DLGAP2: variants seen among roughly 807,000 people sequenced by gnomAD.
The protein encoded by DLGAP2 is DLG associated protein 2.
A neutral mutation model predicts 100.3 loss-of-function variants in DLGAP2; 26 were observed. The observed-to-expected ratio is 0.26, with a 90% confidence interval of 0.19 to 0.36. The LOEUF is 0.36. DLGAP2 is among the 10% of genes least tolerant of loss of function. The probability of loss-of-function intolerance (pLI) is 1.00; values close to 1 mark genes in which losing one functional copy is unlikely to be tolerated. For synonymous variants in DLGAP2, 886 were observed against 630.1 expected, an observed-to-expected ratio of 1.41 and a Z score of -6.08; for missense variants, 1,858 against 1,453.2, an observed-to-expected ratio of 1.28 and a Z score of -4.53.
In DLGAP2 at chr8:1,118,007, G is replaced by C. The variant is rs567965728; in HGVS notation, c.74-140844G>C. Among the ~76,000 whole-genome samples the C allele has an allele frequency of 5.4e-4, 82 of 152,220 alleles. 1 individual carries two copies. The South Asian group carries it at 9.7e-3, about 18-fold the overall frequency. The stretch of plus-strand genomic sequence containing the variant: ...TCCAATGAAATTATAAAGCAAATTC[G>C]TTAATATTGATATGCTTTCAAAAGT... On this transcript the variant is annotated intron_variant, in intron 2 of 14. Coordinates refer to ENST00000637795, the MANE Select transcript of DLGAP2 (RefSeq NM_001346810.2).
chr8:1,460,615 A>C (rs1798446847), intron 3 of DLGAP2, among the ~76,000 whole-genome samples: 1 of 152,172 alleles, frequency 6.6e-6, no homozygotes, highest in Non-Finnish European at 1.5e-5. Flanking sequence ...GAATTGTAAA[A>C]TTTGATTCTT....
intron 2 of DLGAP2, among the ~76,000 whole-genome samples, chr8:1,081,534 T>C (rs1563181603): frequency 6.6e-6 from 1 of 152,124 alleles, no homozygotes. Flanking sequence ...GTACTTGCAG[T>C]AGAGACAGGT....
intron 3 of DLGAP2, among the ~76,000 whole-genome samples, chr8:1,307,519 C>G (rs892024121): frequency 9.9e-5 from 15 of 152,232 alleles, no homozygotes; most frequent in Admixed American, 3.3e-4. Flanking sequence ...CACTTCTGGC[C>G]ATACACCCAA....
chr8:1,503,776 G>A (rs1584961262), intron 4 of DLGAP2, among the ~76,000 whole-genome samples: 1 of 152,110 alleles, frequency 6.6e-6, no homozygotes, highest in Non-Finnish European at 1.5e-5. Flanking sequence ...GAATGAGAAG[G>A]GTCAGATGTT....
intron 2 of DLGAP2, among the ~76,000 whole-genome samples, chr8:973,954 G>A (rs562226960): frequency 7.9e-4 from 120 of 151,566 alleles, no homozygotes; most frequent in South Asian, 1.7e-3. Flanking sequence ...AGCTGCGCGC[G>A]CAGACCGGGC....
intron 1 of DLGAP2, among the ~76,000 whole-genome samples, chr8:765,037 T>C (rs1821176609): frequency 6.6e-6 from 1 of 152,220 alleles, no homozygotes; most frequent in African/African-American, 2.4e-5. Context: ...TTGAAAAGTT[T>C]GAATTGGCAT....
At chr8:1,058,318 C>T (rs972867822) in intron 2 of DLGAP2, among the ~76,000 whole-genome samples, 1 of 152,170 alleles carries the variant, frequency 6.6e-6, no homozygotes, top group East Asian at 1.9e-4. Flanking sequence ...AGAATAAGCC[C>T]GAATTTCTGT....
Position 1,581,407 on chromosome 8 carries a change from A to C in DLGAP2, c.1442+15513A>C, listed in dbSNP as rs539201342. Among the ~76,000 whole-genome samples the C allele has an allele frequency of 6.5e-4, 98 of 151,218 alleles. No individual in the cohort carries two copies. The Middle Eastern group carries it at 0.01, about 16-fold the overall frequency. On this transcript the variant is annotated intron_variant, in intron 6 of 14. Coordinates refer to ENST00000637795, the MANE Select transcript of DLGAP2 (RefSeq NM_001346810.2). ...ACCAGAAGTGAAGGATACAGAAAAA[A>C]CCCCACACACATATACACACCACAG...
chr8:1,573,863 A>G (rs1222026743), intron 6 of DLGAP2, among the ~76,000 whole-genome samples: 1 of 152,150 alleles, frequency 6.6e-6, no homozygotes, highest in Non-Finnish European at 1.5e-5. Flanking sequence ...CTGGGCCTTT[A>G]CAGAAGGTGT....
chr8:974,824 C>T (rs1354112761), intron 2 of DLGAP2, among the ~76,000 whole-genome samples: 1 of 152,072 alleles, frequency 6.6e-6, no homozygotes, highest in African/African-American at 2.4e-5. Flanking sequence ...ATCATCTAAA[C>T]TTCTTCTTTA....
intron 1 of DLGAP2, among the ~76,000 whole-genome samples, chr8:827,165 C>T (rs538011032): frequency 7.9e-5 from 12 of 152,122 alleles, no homozygotes; most frequent in East Asian, 3.9e-4. Context: ...GCCTGGACAG[C>T]GCCACAGCCA....
At chr8:1,344,311 A>G (rs1225555461) in intron 3 of DLGAP2, among the ~76,000 whole-genome samples, 1 of 152,146 alleles carries the variant, frequency 6.6e-6, no homozygotes, top group Admixed American at 6.6e-5. Flanking sequence ...CTGTGCAGAC[A>G]ACAGCCTTCA....
chr8:1,144,309 A>G (rs1406842622), intron 2 of DLGAP2, among the ~76,000 whole-genome samples: 2 of 152,374 alleles, frequency 1.3e-5, no homozygotes, highest in East Asian at 3.9e-4. Context: ...AGAAAAACAA[A>G]TCAGGAGGTA....
rs75432601 is a variant in DLGAP2 at position 1,215,482 on chromosome 8, G to C, written c.74-43369G>C. On this transcript the variant is annotated intron_variant, in intron 2 of 14. Coordinates refer to ENST00000637795, the MANE Select transcript of DLGAP2 (RefSeq NM_001346810.2). ...ATCACCTGGAGACGTCCAGGTACCT[G>C]GATGGGTTCATTTGGGTGCATCACC... 4.8e-3 allele frequency among the ~76,000 whole-genome samples: 358 copies of C among 74,402 alleles called. 3 individuals are homozygous for C. The highest frequency in any genetic ancestry group is 0.019 in the African/African-American group (290 of 15,042). The allele number at this position is 74,402 out of a possible 152,430, so 48.8% of individuals were successfully genotyped here.
intron 1 of DLGAP2, among the ~76,000 whole-genome samples, chr8:905,088 C>G (rs1798348598): frequency 1.3e-5 from 2 of 152,094 alleles, no homozygotes; most frequent in East Asian, 1.9e-4. Flanking sequence ...TTTTCGAACA[C>G]AGATTGTCTG....
At chr8:1,213,980 C>T (rs759980021) in intron 2 of DLGAP2, among the ~76,000 whole-genome samples, 8 of 151,800 alleles carry the variant, frequency 5.3e-5, no homozygotes, top group Non-Finnish European at 7.3e-5. Context: ...CTTCAGAGGC[C>T]GCCTCTGCCC....
intron 2 of DLGAP2, among the ~76,000 whole-genome samples, chr8:1,023,369 CG>C (rs1371278810): frequency 2.6e-5 from 4 of 151,998 alleles, no homozygotes; most frequent in Non-Finnish European, 4.4e-5. Context: ...AGGGGGTGTT[CG>C]TTGATGGATT....
In DLGAP2 at chr8:1,237,123, T is replaced by G. The variant is rs1171184140; in HGVS notation, c.74-21728T>G. The stretch of plus-strand genomic sequence containing the variant: ...ACATGGCACCGTGCCTAGTTCTGTC[T>G]CACATGGGGCCGTGTCTAGTTCTCT... On this transcript the variant is annotated intron_variant, in intron 2 of 14. Transcript: ENST00000637795. Among the ~76,000 whole-genome samples the G allele has an allele frequency of 1.6e-5, 2 of 124,858 alleles. 1 individual carries two copies. The highest frequency in any genetic ancestry group is 3.3e-5 in the Non-Finnish European group (2 of 60,770). The allele number at this position is 124,858 out of a possible 152,430, so 81.9% of individuals were successfully genotyped here.
chr8:1,187,027 G>A (rs752903002), intron 2 of DLGAP2, among the ~76,000 whole-genome samples: 45 of 151,560 alleles, frequency 3.0e-4, no homozygotes, highest in Middle Eastern at 3.4e-3. Context: ...GGTGGCGGTC[G>A]TGGGCCTTTC....
Sources: allele counts gnomAD v4.1 joint callset (sites outside exome capture counted in the v4.1 genomes callset), GRCh38; gene constraint gnomAD v4.1.1; transcripts MANE v1.5; gene names NCBI Gene and HGNC (gene_info 2026-07-23, HGNC 2026-07-21).